The following HPS5 variants were observed in gnomAD, a reference collection of about 807,000 sequenced individuals.
The protein encoded by HPS5 is HPS5 biogenesis of lysosomal organelles complex 2 subunit 2, also known as BLOC-2 complex member HPS5.
In HPS5, 83 loss-of-function variants were observed where a neutral mutation model predicts 128.0. The observed-to-expected ratio is 0.65, with a 90% confidence interval of 0.54 to 0.78. HPS5 has a LOEUF of 0.78. Among genes scored for constraint, HPS5 ranks in the 30% least tolerant of loss-of-function variants. HPS5 has a pLI of 0.00. For missense variants in HPS5, 1,281 were observed against 1,326.2 expected (o/e 0.97, Z 0.53); for synonymous variants, 475 against 470.2 (o/e 1.01, Z -0.13).
chr11:18,317,110 T>G (rs1863717682), intron 2 of HPS5, among the ~76,000 whole-genome samples: 1 of 150,892 alleles, frequency 6.6e-6, no homozygotes, highest in African/African-American at 2.4e-5. Context: ...AGGAAAACGG[T>G]GTGAACCCGG....
chr11:18,316,878 C>T (rs1217573425), intron 2 of HPS5, among the ~76,000 whole-genome samples: 1 of 152,108 alleles, frequency 6.6e-6, no homozygotes, highest in African/African-American at 2.4e-5. Context: ...AGTCTAGTGC[C>T]CACATAGCAA....
intron 16 of HPS5, among the ~76,000 whole-genome samples, chr11:18,290,135 A>C (rs983060466): frequency 2.6e-5 from 4 of 152,232 alleles, no homozygotes; most frequent in Admixed American, 1.3e-4. Flanking sequence ...TGCTTTCCCC[A>C]GACATAGCAA....
At position 18,311,700 on chromosome 11, in the gene HPS5, G is replaced by A. The variant is rs11024619; in HGVS notation, c.219+214C>T. 73,154 of 578,714 alleles carry A rather than the reference G, an allele frequency of 0.13. 5,078 individuals carry two copies. Among genetic ancestry groups the A allele is most frequent in the African/African-American group, 0.19 (10,105 of 53,150 alleles). The allele number at this position is 578,714 out of a possible 1,614,324, so 35.8% of individuals were successfully genotyped here. On this transcript the variant is annotated intron_variant, in intron 3 of 22. Coordinates refer to ENST00000349215, the MANE Select transcript of HPS5 (RefSeq NM_181507.2). ...TAATTTTTGTGTTTTTAGTGGAGAC[G>A]GGGTTTCACCATGTTGGCCAGGCTG...
At position 18,298,893 on chromosome 11, in the gene HPS5, T is replaced by C. The variant is rs765233258; in HGVS notation, c.1063A>G (p.Ile355Val). ...CGTTCCACACAGCGCTCCACAGATA[T>C]CAGGGAGAGATGTGAGACTTTCCCA... ...LNGKVSHLSL[I>V]SVERCVERLL... Residue 355 changes from isoleucine (I) to valine (V), a missense_variant, in exon 10 of 23, where the codon ATA becomes GTA. Physicochemically the swap from Ile to Val is conservative, Grantham distance 29. Coordinates refer to ENST00000349215, the MANE Select transcript of HPS5 (RefSeq NM_181507.2). The C allele has an allele frequency of 3.7e-6, 6 of 1,614,052 alleles. No individual in the cohort carries two copies. Among genetic ancestry groups the C allele is most frequent in the South Asian group, 1.1e-5 (1 of 91,080 alleles).
In HPS5 at chr11:18,281,863, T is replaced by C; in HGVS notation, c.3329+87A>G. The C allele has an allele frequency of 6.7e-6, 10 of 1,485,436 alleles. No individual in the cohort carries two copies. The South Asian group carries it at 1.1e-4, about 17-fold the overall frequency. The allele number at this position is 1,485,436 out of a possible 1,614,324, so 92.0% of individuals were successfully genotyped here. The stretch of plus-strand genomic sequence containing the variant: ...CCTCATGTTAGTGATGGGTCGGGAC[T>C]AAATGATCTCCACATCTACATCTGA... On this transcript the variant is annotated intron_variant, in intron 22 of 22. Transcript: ENST00000349215.
chr11:18,321,111 CCTA>C (rs1309002634), intron 1 of HPS5, among the ~76,000 whole-genome samples: 1 of 152,144 alleles, frequency 6.6e-6, no homozygotes, highest in Non-Finnish European at 1.5e-5. Flanking sequence ...AATTTATTAT[CCTA>C]CTTTTGTCTG....
rs1462725650 is a variant in HPS5 at position 18,279,801 on chromosome 11, A to G, written c.*81T>C. 10 of 1,391,218 alleles carry G rather than the reference A, an allele frequency of 7.2e-6. No homozygotes were observed. The highest frequency in any genetic ancestry group is 4.6e-5 in the East Asian group (2 of 43,642). The allele number at this position is 1,391,218 out of a possible 1,614,324, so 86.2% of individuals were successfully genotyped here. ...ATTTGGGGGTGGTGTCTTTCCTTCA[A>G]TAACAAATGCGTTCAGAAGGTTCAG... On this transcript the variant is annotated 3_prime_UTR_variant, in exon 23 of 23. Coordinates refer to ENST00000349215, the MANE Select transcript of HPS5 (RefSeq NM_181507.2).
rs754065494 is a variant in HPS5 at position 18,296,959 on chromosome 11, C to A, written c.1349G>T (p.Gly450Val). ...SHESFSILDS[G>V]IYRIISSRRG... The stretch of plus-strand genomic sequence containing the variant: ...TCTACTACTAATGATACGATAAATA[C>A]CAGAGTCCAAGATGCTGAAACTTTC... Residue 450 changes from glycine (G) to valine (V), a missense_variant, in exon 12 of 23, where the codon GGT (glycine) becomes GTT (valine). Physicochemically the swap from Gly to Val is moderately radical, Grantham distance 109. Coordinates refer to ENST00000349215, the MANE Select transcript of HPS5 (RefSeq NM_181507.2). The A allele has an allele frequency of 3.1e-6, 5 of 1,605,698 alleles. No homozygotes were observed. The highest frequency in any genetic ancestry group is 4.3e-6 in the Non-Finnish European group (5 of 1,173,152).
intron 2 of HPS5, among the ~76,000 whole-genome samples, chr11:18,312,912 T>C (rs1001038243): frequency 1.3e-5 from 2 of 152,238 alleles, no homozygotes; most frequent in African/African-American, 4.8e-5. Flanking sequence ...TAAACATCTT[T>C]ACCACGTAAG....
chr11:18,282,279 G>A (rs919991643), intron 21 of HPS5, 59 bp from the exon 22 acceptor site: 1 of 1,589,228 alleles, frequency 6.3e-7, no homozygotes, highest in Admixed American at 1.7e-5. Flanking sequence ...CTGGATACAG[G>A]AGATGGTCAA....
chr11:18,305,394 C>A lies in HPS5; in HGVS notation c.896+28G>T, dbSNP rs760425093. ...AAAAATCTAAGTATTCTTTTTCCCC[C>A]CCAGAACTAAGGAAAGTAGAAACTT... On this transcript the variant is annotated intron_variant, in intron 8 of 22. Transcript: ENST00000349215. The A allele has an allele frequency of 9.7e-6, 14 of 1,447,626 alleles. No individual in the cohort carries two copies. In the South Asian group the frequency reaches 1.6e-4, roughly 17 times the overall value. 89.7% of individuals were successfully genotyped at this position (1,447,626 alleles called of 1,614,324 possible). A position where few individuals can be genotyped will look rare whatever the true frequency, so the allele number is the denominator to read the frequency against.
At position 18,279,790 on chromosome 11, in the gene HPS5, T is replaced by C; in HGVS notation, c.*92A>G. Reference sequence around the variant, plus strand: ...AAGATGGCAGGATTTGGGGGTGGTGTCTTTCCTTCAATAACAAATGCGTTC... The same window carrying C: ...AAGATGGCAGGATTTGGGGGTGGTGCCTTTCCTTCAATAACAAATGCGTTC... On this transcript the variant is annotated 3_prime_UTR_variant, in exon 23 of 23. Transcript: ENST00000349215. 1 of 1,252,418 alleles carries C rather than the reference T, an allele frequency of 8.0e-7. No homozygotes were observed. The highest frequency in any genetic ancestry group is 1.2e-6 in the Non-Finnish European group (1 of 858,996). The allele number at this position is 1,252,418 out of a possible 1,614,324, so 77.6% of individuals were successfully genotyped here. A position where few individuals can be genotyped will look rare whatever the true frequency, so the allele number is the denominator to read the frequency against.
At chr11:18,286,334 C>T (rs1859714680) in intron 19 of HPS5, among the ~76,000 whole-genome samples, 1 of 152,108 alleles carries the variant, frequency 6.6e-6, no homozygotes, top group Non-Finnish European at 1.5e-5. Flanking sequence ...CGCTTGAGCC[C>T]AGGAGATCGA....
Position 18,283,825 on chromosome 11 carries a change from T to G in HPS5, c.3028A>C (p.Asn1010His), listed in dbSNP as rs1232033270. 2 of 1,611,898 alleles carry G rather than the reference T, an allele frequency of 1.2e-6. No homozygotes were observed. Among genetic ancestry groups the G allele is most frequent in the Non-Finnish European group, 1.7e-6 (2 of 1,178,352 alleles). ...TCCCCTTCCATCAGGCTCATATCATTCAGATACACAATATTGGTGAAGGCC... is the reference window on the plus strand; with the variant it reads ...TCCCCTTCCATCAGGCTCATATCATGCAGATACACAATATTGGTGAAGGCC... ...REAFTNIVYL[N>H]DMSLMEGDNG... The change falls in exon 21 of 23, where the codon AAT (asparagine) becomes CAT (histidine). Residue 1010 changes from asparagine to histidine, a missense_variant. Asn to His is a moderately conservative substitution (Grantham distance 68). Coordinates refer to ENST00000349215, the MANE Select transcript of HPS5 (RefSeq NM_181507.2).
intron 11 of HPS5, among the ~76,000 whole-genome samples, chr11:18,297,204 A>T (rs1431713578): frequency 6.6e-6 from 1 of 152,156 alleles, no homozygotes; most frequent in Non-Finnish European, 1.5e-5. Flanking sequence ...TGTCTTCATA[A>T]AGCTTGGTAG....
chr11:18,285,914 A>AG (rs1265643456), intron 19 of HPS5, among the ~76,000 whole-genome samples: 1 of 152,230 alleles, frequency 6.6e-6, no homozygotes, highest in African/African-American at 2.4e-5. Context: ...ACACATTTTT[A>AG]GGAAGAAAAC....
Position 18,291,681 on chromosome 11 carries a change from C to T in HPS5, c.2201G>A (p.Arg734Gln), listed in dbSNP as rs774037351. The change falls in exon 16 of 23, where the codon CGG becomes CAG. Residue 734 changes from arginine to glutamine, a missense_variant. Coordinates refer to ENST00000349215, the MANE Select transcript of HPS5 (RefSeq NM_181507.2). Reference sequence around the variant, plus strand: ...TGTTGTCAATTCAGCCAGGTCGTTCCGAAGACCACTTGCAATGGCGCATGG... The same window carrying T: ...TGTTGTCAATTCAGCCAGGTCGTTCTGAAGACCACTTGCAATGGCGCATGG... Reference protein sequence around the residue: ...CSPCAIASGLRNDLAELTTLC... With the variant: ...CSPCAIASGLQNDLAELTTLC... The T allele has an allele frequency of 5.6e-5, 90 of 1,614,184 alleles. No individual in the cohort carries two copies. The highest frequency in any genetic ancestry group is 3.3e-4 in the Middle Eastern group (2 of 6,062).
rs149455020 is a variant in HPS5, at chr11:18,297,480, G to A, written c.1323+79C>T. On this transcript the variant is annotated intron_variant, in intron 11 of 22. Transcript: ENST00000349215. ...TAAATGGAAAGGACAACAAATTTGGGGATCCTAGAGGTAAATAAGAACAAC... is the reference window on the plus strand; with the variant it reads ...TAAATGGAAAGGACAACAAATTTGGAGATCCTAGAGGTAAATAAGAACAAC... 2.5e-3 allele frequency: 3,382 copies of A among 1,347,266 alleles called. 9 individuals carry two copies. The highest frequency in any genetic ancestry group is 3.2e-3 in the Non-Finnish European group (3,063 of 948,648). The allele number at this position is 1,347,266 out of a possible 1,614,324, so 83.5% of individuals were successfully genotyped here.
At chr11:18,318,336 A>G (rs1343679384) in intron 1 of HPS5, among the ~76,000 whole-genome samples, 1 of 152,170 alleles carries the variant, frequency 6.6e-6, no homozygotes, top group African/African-American at 2.4e-5. Flanking sequence ...TTATCAGCAA[A>G]CCCTACAGTT....
Sources: gnomAD v4.1 joint callset for allele counts (sites outside exome capture counted in the v4.1 genomes callset) on GRCh38, gnomAD v4.1.1 for gene constraint, MANE v1.5 for transcripts, NCBI Gene and HGNC (gene_info 2026-07-23, HGNC 2026-07-21) for gene names.